RBPMS: variants seen among roughly 807,000 people sequenced by gnomAD.
RBPMS encodes the protein RNA-binding protein with multiple splicing.
In RBPMS, 7 loss-of-function variants were observed where a neutral mutation model predicts 26.8. The ratio of observed to expected loss-of-function variants is 0.26; its 90% confidence interval spans 0.15 to 0.49. The LOEUF is 0.49. Ranked by LOEUF, RBPMS falls within the 20% of genes least tolerant of loss-of-function variation. The pLI, the probability that RBPMS is intolerant of heterozygous loss-of-function variation, is 0.98. For synonymous variants in RBPMS, 96 were observed against 93.3 expected (o/e 1.03, Z -0.17); for missense variants, 186 against 250.0 (o/e 0.74, Z 1.73).
At position 30,423,930 on chromosome 8, in the gene RBPMS, C is replaced by T. The variant is rs867208348; in HGVS notation, c.66+38772C>T. Among the ~76,000 whole-genome samples, 302 of 152,074 alleles carry T rather than the reference C, an allele frequency of 2.0e-3. 1 individual carries two copies. The highest frequency in any genetic ancestry group is 6.9e-3 in the African/African-American group (288 of 41,484). ...TTGGCTCACTGCAACCTCTGCCTCCCGGGTTCAAGCCATTCTCTTGCCTCA... is the reference window on the plus strand; with the variant it reads ...TTGGCTCACTGCAACCTCTGCCTCCTGGGTTCAAGCCATTCTCTTGCCTCA... On this transcript the variant is annotated intron_variant, in intron 1 of 8. Transcript: ENST00000397323.
At chr8:30,540,494 C>T (rs929586315) in intron 5 of RBPMS, among the ~76,000 whole-genome samples, 1 of 152,152 alleles carries the variant, frequency 6.6e-6, no homozygotes, top group Non-Finnish European at 1.5e-5. Flanking sequence ...ACAGTCAGAG[C>T]GCACTGCAAC....
At chr8:30,559,954 G>C (rs972983894) in intron 7 of RBPMS, among the ~76,000 whole-genome samples, 2 of 152,126 alleles carry the variant, frequency 1.3e-5, no homozygotes, top group Admixed American at 6.5e-5. Context: ...GCTTTTGTTA[G>C]ATCATTTGAA....
chr8:30,537,546 T>G (rs1824924345), intron 5 of RBPMS: 1 of 454,518 alleles, frequency 2.2e-6, no homozygotes, highest in African/African-American at 2.0e-5. Context: ...AGAGAATATG[T>G]CTTTACATAG....
intron 6 of RBPMS, among the ~76,000 whole-genome samples, chr8:30,551,813 A>G (rs1826409175): frequency 6.6e-6 from 1 of 152,206 alleles, no homozygotes; most frequent in African/African-American, 2.4e-5. Flanking sequence ...ACTCTGCTAA[A>G]TTTGGGATCC....
chr8:30,486,594 T>C (rs982152917), intron 4 of RBPMS, among the ~76,000 whole-genome samples: 12 of 151,932 alleles, frequency 7.9e-5, no homozygotes, highest in African/African-American at 2.7e-4. Flanking sequence ...GATCACGCCA[T>C]TGCACTCCAG....
intron 1 of RBPMS, among the ~76,000 whole-genome samples, chr8:30,417,710 CTTTTAAA>C (rs1462795422): frequency 3.3e-5 from 5 of 151,046 alleles, no homozygotes; most frequent in Non-Finnish European, 5.9e-5. Flanking sequence ...TTTGCTCCCT[CTTTTAAA>C]TTTTAACTTG....
intron 4 of RBPMS, among the ~76,000 whole-genome samples, chr8:30,482,768 G>A (rs1818410805): frequency 6.6e-6 from 1 of 152,130 alleles, no homozygotes; most frequent in Admixed American, 6.6e-5. Flanking sequence ...TAACCTGACA[G>A]CAAAATATCT....
chr8:30,469,841 C>T (rs1056070926), intron 1 of RBPMS, among the ~76,000 whole-genome samples: 1 of 152,098 alleles, frequency 6.6e-6, no homozygotes, highest in East Asian at 1.9e-4. Context: ...TTACATGCTG[C>T]TTATGCTTGT....
At chr8:30,519,590 T>TC (rs142135272) in intron 5 of RBPMS, among the ~76,000 whole-genome samples, 187 of 149,608 alleles carry the variant, frequency 1.2e-3, no homozygotes, top group African/African-American at 3.5e-3. Flanking sequence ...TTCATGCCAT[T>TC]CTCCTGCCTC....
At position 30,530,045 on chromosome 8, in the gene RBPMS, G is replaced by A. The variant is rs140969589; in HGVS notation, c.398-14449G>A. On this transcript the variant is annotated intron_variant, in intron 5 of 8. Coordinates refer to ENST00000397323, the MANE Select transcript of RBPMS (RefSeq NM_001008710.3). ...GCTGGGATTACAGGCGTGAGCCACC[G>A]CACCCGGCCAGAACTTCATCCCTTT... Among the ~76,000 whole-genome samples, 530 of 152,036 alleles carry A rather than the reference G, an allele frequency of 3.5e-3. 2 individuals carry two copies. Among genetic ancestry groups the A allele is most frequent in the Non-Finnish European group, 5.9e-3 (403 of 67,938 alleles).
intron 4 of RBPMS, among the ~76,000 whole-genome samples, chr8:30,497,867 C>T (rs1323369399): frequency 6.6e-6 from 1 of 151,738 alleles, no homozygotes; most frequent in Non-Finnish European, 1.5e-5. Context: ...TGTGATCTGC[C>T]CGCCTCGGCC....
chr8:30,450,742 A>G (rs1238990921), intron 1 of RBPMS, among the ~76,000 whole-genome samples: 1 of 143,872 alleles, frequency 7.0e-6, no homozygotes, highest in African/African-American at 2.6e-5. Context: ...AGGTAAATGC[A>G]GTGACCAGTT....
chr8:30,500,970 T>G (rs1035891152), intron 4 of RBPMS, among the ~76,000 whole-genome samples: 3 of 152,152 alleles, frequency 2.0e-5, no homozygotes, highest in African/African-American at 7.2e-5. Flanking sequence ...CCAATCACTG[T>G]GATTCTCAAA....
At chr8:30,447,127 AT>A (rs1813960879) in intron 1 of RBPMS, among the ~76,000 whole-genome samples, 3 of 152,170 alleles carry the variant, frequency 2.0e-5, no homozygotes, top group African/African-American at 7.2e-5. Flanking sequence ...ATAGGCCAGA[AT>A]TTACTAATAT....
chr8:30,470,177 A>G (rs1203360724), intron 1 of RBPMS, among the ~76,000 whole-genome samples: 1 of 152,174 alleles, frequency 6.6e-6, no homozygotes, highest in Non-Finnish European at 1.5e-5. Flanking sequence ...TGAGTTCAGG[A>G]GTTCAAGACC....
intron 1 of RBPMS, among the ~76,000 whole-genome samples, chr8:30,434,907 C>T (rs1040283185): frequency 5.9e-5 from 9 of 151,932 alleles, no homozygotes; most frequent in Admixed American, 1.3e-4. Flanking sequence ...ACATCATTGT[C>T]CTCAGGAATT....
Position 30,386,720 on chromosome 8 carries a change from A to G in RBPMS, c.66+1562A>G, listed in dbSNP as rs77216302. ...TGCTTTTTTAGGAATTACCATATTT[A>G]ACTAATTCACTTACCATATCAAGAT... On this transcript the variant is annotated intron_variant, in intron 1 of 8. Coordinates refer to ENST00000397323, the MANE Select transcript of RBPMS (RefSeq NM_001008710.3). Among the ~76,000 whole-genome samples the G allele has an allele frequency of 1.7e-4, 26 of 152,314 alleles. No homozygotes were observed. In the East Asian group the frequency reaches 4.6e-3, roughly 27 times the overall value.
chr8:30,543,353 G>A (rs957783759), intron 5 of RBPMS, among the ~76,000 whole-genome samples: 8 of 152,116 alleles, frequency 5.3e-5, no homozygotes, highest in East Asian at 1.9e-4. Flanking sequence ...GAAGAGTTTC[G>A]GGGGATGGGA....
chr8:30,430,367 A>G (rs1242368444), intron 1 of RBPMS, among the ~76,000 whole-genome samples: 1 of 152,204 alleles, frequency 6.6e-6, no homozygotes, highest in Non-Finnish European at 1.5e-5. Context: ...TCTTGGTTCT[A>G]TTCTGTAACA....
Sources: gnomAD v4.1 joint callset for allele counts (sites outside exome capture counted in the v4.1 genomes callset) on GRCh38, gnomAD v4.1.1 for gene constraint, MANE v1.5 for transcripts, NCBI Gene and HGNC (gene_info 2026-07-23, HGNC 2026-07-21) for gene names.